ZNF507: variants seen among roughly 807,000 people sequenced by gnomAD.
ZNF507 encodes zinc finger protein 507.
ZNF507 carries 29 observed loss-of-function variants against 80.0 expected under a neutral mutation model. That is an observed-to-expected ratio of 0.36 (90% CI 0.27 to 0.49). The LOEUF is 0.49. Ranked by LOEUF, ZNF507 falls within the 20% of genes least tolerant of loss-of-function variation. ZNF507 has a pLI of 0.98. For missense variants in ZNF507, 1,081 were observed against 1,152.2 expected, an observed-to-expected ratio of 0.94 and a Z score of 0.90; for synonymous variants, 462 against 422.5, an observed-to-expected ratio of 1.09 and a Z score of -1.15.
At chr19:32,358,138 C>T (rs1358271363) in intron 4 of ZNF507, 2 of 152,086 alleles carry the variant, frequency 1.3e-5, no homozygotes, top group African/African-American at 2.4e-5. Flanking sequence ...GCCTCTTTTC[C>T]TCCACCTGGC....
intron 2 of ZNF507, among the ~76,000 whole-genome samples, chr19:32,350,571 C>T (rs1967149770): frequency 6.6e-6 from 1 of 152,226 alleles, no homozygotes; most frequent in African/African-American, 2.4e-5. Context: ...CTGAAATATC[C>T]ACAGGGAGCA....
At chr19:32,380,514 T>C in intron 5 of ZNF507, 1 of 1,259,846 alleles carries the variant, frequency 7.9e-7, no homozygotes, top group Non-Finnish European at 1.1e-6. Flanking sequence ...AAAAAGAGTT[T>C]AGTCTTTGAC....
rs1599562935 is a variant in ZNF507 at position 32,385,324 on chromosome 19, G to A, written c.*2241G>A. The A allele has an allele frequency of 6.8e-6, 1 of 147,562 alleles. No homozygotes were observed. The highest frequency in any genetic ancestry group is 2.4e-5 in the African/African-American group (1 of 41,168). The allele number at this position is 147,562 out of a possible 1,614,324, so 9.1% of individuals were successfully genotyped here. On this transcript the variant is annotated 3_prime_UTR_variant, in exon 7 of 7. Transcript: ENST00000355898. Reference sequence around the variant, plus strand: ...GTTCAAAGCCTTTAAAGTTTCATCTGATTCTGGCCTTAGAATTGTCCTTAA... The same window carrying A: ...GTTCAAAGCCTTTAAAGTTTCATCTAATTCTGGCCTTAGAATTGTCCTTAA...
At chr19:32,346,945 T>C (rs1001561699) in intron 1 of ZNF507, among the ~76,000 whole-genome samples, 2 of 152,218 alleles carry the variant, frequency 1.3e-5, no homozygotes, top group South Asian at 2.1e-4. Flanking sequence ...TTAGAAAATG[T>C]TGTCAGTAAA....
At chr19:32,347,649 TAC>T (rs1967113547) in intron 2 of ZNF507, among the ~76,000 whole-genome samples, 1 of 150,200 alleles carries the variant, frequency 6.7e-6, no homozygotes, top group Admixed American at 6.6e-5. Flanking sequence ...AAAAAAAAAA[TAC>T]ACAAAATTTG....
chr19:32,376,585 G>A lies in ZNF507; in HGVS notation c.2361-5882G>A, dbSNP rs1046651599. On this transcript the variant is annotated intron_variant, in intron 5 of 6. Coordinates refer to ENST00000355898, the MANE Select transcript of ZNF507 (RefSeq NM_001136156.2). Reference sequence around the variant, plus strand: ...GAGTTTGAGCAACAAAATAAATAGTGCAATACAGAATTTGCACCAATGTAG... The same window carrying A: ...GAGTTTGAGCAACAAAATAAATAGTACAATACAGAATTTGCACCAATGTAG... 3.3e-5 allele frequency among the ~76,000 whole-genome samples: 5 copies of A among 152,322 alleles called. No homozygotes were observed. In the South Asian group the frequency reaches 8.3e-4, roughly 25 times the overall value.
At chr19:32,360,200 T>G (rs899217704) in intron 4 of ZNF507, among the ~76,000 whole-genome samples, 13 of 152,226 alleles carry the variant, frequency 8.5e-5, no homozygotes, top group African/African-American at 3.1e-4. Flanking sequence ...TGTCTCTGAT[T>G]AATTTAGCTC....
chr19:32,371,507 G>A lies in ZNF507; in HGVS notation c.2360+10889G>A, dbSNP rs573776622. 8.6e-5 allele frequency among the ~76,000 whole-genome samples: 13 copies of A among 150,496 alleles called. No homozygotes were observed. The East Asian group carries it at 9.8e-4, about 11-fold the overall frequency. ...AAAAAAAAAAAAAATGACTGTGCCCGTCAGCCCAGGAACGTTCTTATCTCT... is the reference window on the plus strand; with the variant it reads ...AAAAAAAAAAAAAATGACTGTGCCCATCAGCCCAGGAACGTTCTTATCTCT... On this transcript the variant is annotated intron_variant, in intron 5 of 6. Transcript: ENST00000355898.
chr19:32,353,941 A>G lies in ZNF507; in HGVS notation c.1111A>G (p.Asn371Asp), dbSNP rs1267095507. 3 of 1,614,052 alleles carry G rather than the reference A, an allele frequency of 1.9e-6. No homozygotes were observed. In the African/African-American group the frequency reaches 4.0e-5, roughly 22 times the overall value. The change falls in exon 3 of 7, where the codon AAT becomes GAT. Residue 371 changes from asparagine (N) to aspartate (D), a missense_variant. Physicochemically the swap from Asn to Asp is conservative, Grantham distance 23. Coordinates refer to ENST00000355898, the MANE Select transcript of ZNF507 (RefSeq NM_001136156.2). The part of the protein sequence containing the change: ...MLEVISDAEE[N>D]LIPDSLLTSA... ...AGAAGTGATTTCTGATGCAGAGGAG[A>G]ATCTGATTCCTGATAGCCTGCTTAC...
chr19:32,361,994 C>G (rs568779157), intron 5 of ZNF507, among the ~76,000 whole-genome samples: 122 of 150,412 alleles, frequency 8.1e-4, no homozygotes, highest in Non-Finnish European at 1.3e-3. Flanking sequence ...TCTCACCTCA[C>G]GGCAACCTCC....
rs201671789 is a variant in ZNF507, at chr19:32,360,629, T to C, written c.2360+11T>C. On this transcript the variant is annotated intron_variant, in intron 5 of 6. Transcript: ENST00000355898. ...TGATAAGCCGTACAGGTAAGTGTTA[T>C]GATTCTAGAATTTTAATGTTTGTAT... 38 of 1,438,190 alleles carry C rather than the reference T, an allele frequency of 2.6e-5. No individual in the cohort carries two copies. The highest frequency in any genetic ancestry group is 2.4e-4 in the South Asian group (16 of 68,016). The allele number at this position is 1,438,190 out of a possible 1,614,324, so 89.1% of individuals were successfully genotyped here.
chr19:32,377,860 C>T (rs1229845281), intron 5 of ZNF507, among the ~76,000 whole-genome samples: 1 of 152,136 alleles, frequency 6.6e-6, no homozygotes, highest in African/African-American at 2.4e-5. Context: ...AACCTGACCT[C>T]AGCCAGGGGA....
chr19:32,355,963 C>T (rs1967246035), intron 3 of ZNF507, among the ~76,000 whole-genome samples: 1 of 152,050 alleles, frequency 6.6e-6, no homozygotes, highest in Non-Finnish European at 1.5e-5. Flanking sequence ...CATGCCGCTG[C>T]ACTCCAGCCT....
chr19:32,378,401 A>G (rs1291035604), intron 5 of ZNF507, among the ~76,000 whole-genome samples: 1 of 152,116 alleles, frequency 6.6e-6, no homozygotes, highest in Non-Finnish European at 1.5e-5. Flanking sequence ...GAAGATCTTA[A>G]GGAGACGTGA....
chr19:32,353,895 C>A lies in ZNF507; in HGVS notation c.1065C>A (p.Asp355Glu), dbSNP rs752747019. 1 of 1,614,092 alleles carries A rather than the reference C, an allele frequency of 6.2e-7. No individual in the cohort carries two copies. The highest frequency in any genetic ancestry group is 1.1e-5 in the South Asian group (1 of 91,086). The change falls in exon 3 of 7, where the codon GAC (aspartate) becomes GAA (glutamate). Residue 355 changes from aspartate (D) to glutamate (E), a missense_variant. Coordinates refer to ENST00000355898, the MANE Select transcript of ZNF507 (RefSeq NM_001136156.2). ...GVHLSQSVTL[D>E]PNEEEMLEVI... ...ACCTAAGTCAGTCAGTTACCCTGGACCCCAATGAGGAAGAAATGCTAGAAG... is the reference window on the plus strand; with the variant it reads ...ACCTAAGTCAGTCAGTTACCCTGGAACCCAATGAGGAAGAAATGCTAGAAG...
chr19:32,347,104 T>C (rs1490851679), intron 1 of ZNF507, 141 bp from the exon 2 acceptor site: 2 of 152,178 alleles, frequency 1.3e-5, no homozygotes, highest in South Asian at 2.1e-4. Flanking sequence ...CATTACGTAA[T>C]AGGGTTGCAT....
intron 5 of ZNF507, among the ~76,000 whole-genome samples, chr19:32,377,114 ACT>A (rs1458257922): frequency 5.3e-4 from 80 of 152,166 alleles, no homozygotes; most frequent in Non-Finnish European, 8.7e-4. Context: ...GGCGGGCCTG[ACT>A]CATGTCAGGC....
intron 2 of ZNF507, among the ~76,000 whole-genome samples, chr19:32,349,851 C>G (rs1361117404): frequency 1.3e-5 from 2 of 152,210 alleles, no homozygotes; most frequent in Non-Finnish European, 2.9e-5. Flanking sequence ...CATCATGCAA[C>G]TTCAATTACA....
intron 2 of ZNF507, among the ~76,000 whole-genome samples, chr19:32,350,200 CT>C (rs11354466): frequency 0.66 from 93,317 of 141,382 alleles, 30,470 homozygotes; most frequent in Admixed American, 0.7. Flanking sequence ...TTTATCTAAC[CT>C]TTTTTTTTTT....
Sources: gnomAD v4.1 joint callset for allele counts (sites outside exome capture counted in the v4.1 genomes callset) on GRCh38, gnomAD v4.1.1 for gene constraint, MANE v1.5 for transcripts, NCBI Gene and HGNC (gene_info 2026-07-23, HGNC 2026-07-21) for gene names.